Variants in DNMT3A observed in about 807,000 individuals in gnomAD.
The protein encoded by DNMT3A is DNA methyltransferase 3 alpha.
A neutral mutation model predicts 117.6 loss-of-function variants in DNMT3A; 267 were observed. The observed-to-expected ratio is 2.27, with a 90% CI of 2.05 to 2.51. The LOEUF is 2.51. Ranked by LOEUF, DNMT3A falls within the 30% of genes most tolerant of loss-of-function variation. DNMT3A has a pLI of 0.00. For synonymous variants in DNMT3A, 432 were observed against 474.8 expected, an observed-to-expected ratio of 0.91 and a Z score of 1.17; for missense variants, 1,029 against 1,260.2, an observed-to-expected ratio of 0.82 and a Z score of 2.78.
rs1231735534 is a variant in DNMT3A at position 25,232,978 on chromosome 2, C to T, written c.*1301G>A. 4 of 232,712 alleles carry T rather than the reference C, an allele frequency of 1.7e-5. No homozygotes were observed. The highest frequency in any genetic ancestry group is 5.6e-5 in the Admixed American group (1 of 17,758). The allele number at this position is 232,712 out of a possible 1,614,324, so 14.4% of individuals were successfully genotyped here. Reference sequence around the variant, plus strand: ...CGACTTAGACAGGAAAGCACCAGTACGTTTTGTATGTTTTTTTATTTGCTC... The same window carrying T: ...CGACTTAGACAGGAAAGCACCAGTATGTTTTGTATGTTTTTTTATTTGCTC... On this transcript the variant is annotated 3_prime_UTR_variant, in exon 23 of 23. Coordinates refer to ENST00000321117, the MANE Select transcript of DNMT3A (RefSeq NM_022552.5). The surrounding 1 kb of genome is among the most constrained non-coding windows in gnomAD (Gnocchi z 4.1).
Position 25,311,035 on chromosome 2 carries a change from C to T in DNMT3A, c.72+2878G>A, listed in dbSNP as rs879927110. ...GAAGAGATTAGGGAAAGGGCCCATGCGGCAGAGGGAGCAGCATAAACAAAG... is the reference window on the plus strand; with the variant it reads ...GAAGAGATTAGGGAAAGGGCCCATGTGGCAGAGGGAGCAGCATAAACAAAG... On this transcript the variant is annotated intron_variant, in intron 2 of 22. Coordinates refer to ENST00000321117, the MANE Select transcript of DNMT3A (RefSeq NM_022552.5). This position sits in a 1 kb window ranked among gnomAD's most constrained non-coding sequence, Gnocchi z 5.2. Among the ~76,000 whole-genome samples the T allele has an allele frequency of 5.3e-5, 8 of 151,888 alleles. No homozygotes were observed. The highest frequency in any genetic ancestry group is 1.2e-4 in the African/African-American group (5 of 41,336).
chr2:25,243,625 A>G (rs1674338232), intron 16 of DNMT3A, among the ~76,000 whole-genome samples: 1 of 152,212 alleles, frequency 6.6e-6, no homozygotes, highest in African/African-American at 2.4e-5. Flanking sequence ...GAATCTGACT[A>G]ATGATCACTC....
At position 25,244,187 on chromosome 2, in the gene DNMT3A, T is replaced by C. The variant is rs1558665027; in HGVS notation, c.1819A>G (p.Met607Val). 2 of 1,613,848 alleles carry C rather than the reference T, an allele frequency of 1.2e-6. No individual in the cohort carries two copies. The highest frequency in any genetic ancestry group is 1.3e-5 in the African/African-American group (1 of 75,030). Residue 607 changes from methionine (M) to valine (V), a missense_variant, in exon 15 of 23, where the codon ATG becomes GTG. Physicochemically the swap from Met to Val is conservative, Grantham distance 21. Transcript: ENST00000321117. ...TGGTCGTGGTTATTAGCGAAGAACA[T>C]CTGGAGCCGGGAGGGCCAGTCCTCT... ...RREDWPSRLQ[M>V]FFANNHDQEF...
In DNMT3A at chr2:25,282,676, C is replaced by A; in HGVS notation, c.213G>T (p.Val71=). The change falls in exon 4 of 23, where the codon GTG becomes GTT. Residue 71 remains valine, a synonymous_variant. Coordinates refer to ENST00000321117, the MANE Select transcript of DNMT3A (RefSeq NM_022552.5). This position sits in a 1 kb window ranked among gnomAD's most constrained non-coding sequence, Gnocchi z 5.2. ...GGGCCATGGATGGGGACTTGGAGAT[C>A]ACCGCAGGGTCCTTTGGCGTGTCAC... ...ESGDTPKDPA[V]ISKSPSMAQD... 6.3e-7 allele frequency: 1 copy of A among 1,580,252 alleles called. No individual in the cohort carries two copies. Among genetic ancestry groups the A allele is most frequent in the Non-Finnish European group, 8.6e-7 (1 of 1,163,318 alleles).
intron 6 of DNMT3A, among the ~76,000 whole-genome samples, chr2:25,268,808 G>A (rs2030603130): frequency 6.6e-6 from 1 of 152,174 alleles, no homozygotes; most frequent in Admixed American, 6.5e-5. Context: ...TCGAAATCAA[G>A]TGTGTGGGCC....
chr2:25,271,760 A>G (rs1037818669), intron 6 of DNMT3A, among the ~76,000 whole-genome samples: 4 of 152,244 alleles, frequency 2.6e-5, no homozygotes, highest in African/African-American at 9.6e-5. Flanking sequence ...AGATCTCCAC[A>G]TTGCAAGTCA....
chr2:25,262,842 C>T (rs531787526), intron 6 of DNMT3A, among the ~76,000 whole-genome samples: 2 of 152,310 alleles, frequency 1.3e-5, no homozygotes, highest in East Asian at 3.9e-4. Context: ...AACCCCTGCA[C>T]CCTAGTTACC....
At chr2:25,301,825 GCA>G (rs1271901230) in intron 2 of DNMT3A, among the ~76,000 whole-genome samples, 5 of 152,218 alleles carry the variant, frequency 3.3e-5, no homozygotes, top group African/African-American at 1.2e-4. Flanking sequence ...AGTGCTGGCA[GCA>G]CAGAGGTAGA....
chr2:25,270,317 C>T (rs1044697584), intron 6 of DNMT3A, among the ~76,000 whole-genome samples: 1 of 152,228 alleles, frequency 6.6e-6, no homozygotes, highest in East Asian at 1.9e-4. Flanking sequence ...CATTCGTCTA[C>T]GCCCCATTCA....
intron 2 of DNMT3A, among the ~76,000 whole-genome samples, chr2:25,310,111 G>C (rs1206159232): frequency 6.6e-6 from 1 of 152,132 alleles, no homozygotes; most frequent in East Asian, 1.9e-4. Flanking sequence ...GGCAGTCGGC[G>C]TTCAATGCAT....
intron 2 of DNMT3A, among the ~76,000 whole-genome samples, chr2:25,307,461 T>A (rs1255953538): frequency 6.1e-5 from 8 of 131,374 alleles, no homozygotes; most frequent in Non-Finnish European, 1.4e-4. Flanking sequence ...CACCGCAGCT[T>A]TTTTTTTTTT....
At chr2:25,239,656 T>C (rs1573309689) in intron 19 of DNMT3A, 1 of 454,620 alleles carries the variant, frequency 2.2e-6, no homozygotes, top group South Asian at 1.7e-5. Context: ...CGAGTATGGG[T>C]GTGTTTACCA....
In DNMT3A at chr2:25,244,136, C is replaced by A. The variant is rs374731327; in HGVS notation, c.1851+19G>T. The stretch of plus-strand genomic sequence containing the variant: ...TCAGCCAAGGGAGCTCGAGACCGCG[C>A]CCCAGGCCCAGCACTCACAAATTCC... On this transcript the variant is annotated intron_variant, in intron 15 of 22. Coordinates refer to ENST00000321117, the MANE Select transcript of DNMT3A (RefSeq NM_022552.5). The A allele has an allele frequency of 1.2e-5, 20 of 1,613,800 alleles. No individual in the cohort carries two copies. Among genetic ancestry groups the A allele is most frequent in the Non-Finnish European group, 1.7e-5 (20 of 1,179,986 alleles).
In DNMT3A at chr2:25,247,113, A is replaced by C. The variant is rs1161125109; in HGVS notation, c.1060T>G (p.Phe354Val). 1 of 1,614,108 alleles carries C rather than the reference A, an allele frequency of 6.2e-7. No individual in the cohort carries two copies. Among genetic ancestry groups the C allele is most frequent in the Non-Finnish European group, 8.5e-7 (1 of 1,179,996 alleles). The change falls in exon 9 of 23, where the codon TTC becomes GTC. Residue 354 changes from phenylalanine (F) to valine (V), a missense_variant. Physicochemically the swap from Phe to Val is conservative, Grantham distance 50 (BLOSUM62 -1). Transcript: ENST00000321117. This position sits in a 1 kb window ranked among gnomAD's most constrained non-coding sequence, Gnocchi z 5.6. ...TGCTTGTTGTACGTGGCCTGGTGGA[A>C]CGCACTGCAAAACGAGCTCAGCGGC... ...LMPLSSFCSA[F>V]HQATYNKQPM...
At position 25,237,134 on chromosome 2, in the gene DNMT3A, C is replaced by T. The variant is rs6735056; in HGVS notation, c.2409-129G>A. 1.1e-5 allele frequency: 9 copies of T among 807,348 alleles called. No homozygotes were observed. The highest frequency in any genetic ancestry group is 9.5e-5 in the Admixed American group (4 of 42,128). 50.0% of individuals were successfully genotyped at this position (807,348 alleles called of 1,614,324 possible). On this transcript the variant is annotated intron_variant, in intron 20 of 22. Coordinates refer to ENST00000321117, the MANE Select transcript of DNMT3A (RefSeq NM_022552.5). This position sits in a 1 kb window ranked among gnomAD's most constrained non-coding sequence, Gnocchi z 5.4. ...GGGTAAGAGCCCCTTCCCCAAATCA[C>T]GCACACACGTCATAACTCTCTTCAA...
intron 1 of DNMT3A, chr2:25,328,808 C>T: frequency 4.6e-6 from 2 of 439,008 alleles, no homozygotes; most frequent in South Asian, 3.2e-5. Flanking sequence ...AGAACATACA[C>T]CTGCTGTGGG....
intron 6 of DNMT3A, among the ~76,000 whole-genome samples, chr2:25,266,310 G>C (rs1412780160): frequency 3.3e-5 from 5 of 152,182 alleles, no homozygotes; most frequent in African/African-American, 1.2e-4. Context: ...CAAAAGGTCA[G>C]GTAGGGCAAA....
chr2:25,321,148 T>C (rs2034581895), intron 1 of DNMT3A, among the ~76,000 whole-genome samples: 1 of 151,550 alleles, frequency 6.6e-6, no homozygotes, highest in Admixed American at 6.6e-5. Context: ...AAAAAAATTA[T>C]CTTGCAATTC....
intron 22 of DNMT3A, 75 bp downstream of exon 22, chr2:25,235,632 G>A: frequency 2.5e-6 from 3 of 1,187,768 alleles, no homozygotes; most frequent in Non-Finnish European, 3.7e-6. Context: ...AGGTGGGAAA[G>A]GCAGAGGACC....
Sources: allele counts gnomAD v4.1 joint callset (sites outside exome capture counted in the v4.1 genomes callset), GRCh38; gene constraint gnomAD v4.1.1; non-coding constraint Gnocchi (gnomAD v3.1); transcripts MANE v1.5; gene names NCBI Gene and HGNC (gene_info 2026-07-23, HGNC 2026-07-21).